CDK6: variants seen among roughly 807,000 people sequenced by gnomAD.
The protein encoded by CDK6 is cyclin dependent kinase 6.
A neutral mutation model predicts 37.1 loss-of-function variants in CDK6; 6 were observed. The observed-to-expected ratio is 0.16, with a 90% CI of 0.09 to 0.32. The LOEUF is 0.32. CDK6 is among the 10% of genes least tolerant of loss of function. CDK6 has a pLI of 1.00. For missense variants in CDK6, 224 were observed against 418.9 expected (o/e 0.53, Z 4.06); for synonymous variants, 160 against 161.3 (o/e 0.99, Z 0.06).
In CDK6 at chr7:92,699,633, CAATT is replaced by C. The variant is rs1314754139; in HGVS notation, c.537+25989_537+25992del. Among the ~76,000 whole-genome samples the C allele has an allele frequency of 7.2e-5, 11 of 152,318 alleles. No homozygotes were observed. The East Asian group carries it at 9.7e-4, about 13-fold the overall frequency. On this transcript the variant is annotated intron_variant, in intron 4 of 7. Transcript: ENST00000424848. ...TGAGACATTTACAATGTCACATCAA[CAATT>C]AATTCATTCATTCATACATATACAA...
Position 92,614,696 on chromosome 7 carries a change from T to TACAC in CDK6, c.*440_*443dup, listed in dbSNP as rs10552976. On this transcript the variant is annotated 3_prime_UTR_variant, in exon 8 of 8. Transcript: ENST00000424848. Reference sequence around the variant, plus strand: ...TTAAAAGATCACAGAATCTCTCACATACACACACACACACACACACACACA... The same window carrying TACAC: ...TTAAAAGATCACAGAATCTCTCACATACACACACACACACACACACACACACACA... 1,063 of 228,644 alleles carry TACAC rather than the reference T, an allele frequency of 4.6e-3. 1 individual carries two copies. The highest frequency in any genetic ancestry group is 7.1e-3 in the Non-Finnish European group (828 of 116,564). The allele number at this position is 228,644 out of a possible 1,614,324, so 14.2% of individuals were successfully genotyped here.
chr7:92,707,281 G>C (rs1185039130), intron 4 of CDK6, among the ~76,000 whole-genome samples: 2 of 152,078 alleles, frequency 1.3e-5, no homozygotes. Flanking sequence ...AGAAACCCAG[G>C]ATACAGAGAG....
chr7:92,702,550 T>C (rs530009002), intron 4 of CDK6, among the ~76,000 whole-genome samples: 1 of 152,280 alleles, frequency 6.6e-6, no homozygotes, highest in South Asian at 2.1e-4. Flanking sequence ...TATTTTCTTA[T>C]TATGAAAAAA....
At chr7:92,801,522 C>G (rs1800575268) in intron 2 of CDK6, among the ~76,000 whole-genome samples, 1 of 152,084 alleles carries the variant, frequency 6.6e-6, no homozygotes, top group Non-Finnish European at 1.5e-5. Context: ...GGTGTCCTGC[C>G]CAGGATCTCT....
intron 3 of CDK6, among the ~76,000 whole-genome samples, chr7:92,774,466 C>CCT (rs2115781933): frequency 6.6e-6 from 1 of 152,100 alleles, no homozygotes; most frequent in Non-Finnish European, 1.5e-5. Context: ...TTTTTTTCCA[C>CCT]TTAGTTCTAA....
At chr7:92,828,323 T>A (rs1324373893) in intron 2 of CDK6, among the ~76,000 whole-genome samples, 1 of 152,196 alleles carries the variant, frequency 6.6e-6, no homozygotes, top group Admixed American at 6.5e-5. Flanking sequence ...GTCACTTTTG[T>A]CTACATACAG....
At chr7:92,658,703 T>C (rs1796764018) in intron 5 of CDK6, among the ~76,000 whole-genome samples, 1 of 152,358 alleles carries the variant, frequency 6.6e-6, no homozygotes, top group South Asian at 2.1e-4. Context: ...TTTATACTTC[T>C]GTATTAACAT....
chr7:92,669,581 A>G (rs138064593), intron 5 of CDK6, among the ~76,000 whole-genome samples: 2 of 152,346 alleles, frequency 1.3e-5, no homozygotes, highest in African/African-American at 4.8e-5. Flanking sequence ...TCCTGCGATG[A>G]AGTAGAATGA....
At chr7:92,635,429 A>C (rs1796147764) in intron 5 of CDK6, among the ~76,000 whole-genome samples, 1 of 152,186 alleles carries the variant, frequency 6.6e-6, no homozygotes, top group South Asian at 2.1e-4. Flanking sequence ...CAGGCCACTT[A>C]ATCTCTGCTC....
intron 2 of CDK6, among the ~76,000 whole-genome samples, chr7:92,807,554 A>AAT (rs916266519): frequency 5.3e-5 from 8 of 151,628 alleles, no homozygotes; most frequent in Non-Finnish European, 1.0e-4. Context: ...GATATATATC[A>AAT]ATATATATAA....
intron 2 of CDK6, among the ~76,000 whole-genome samples, chr7:92,820,278 A>T (rs987354509): frequency 6.6e-6 from 1 of 152,132 alleles, no homozygotes; most frequent in African/African-American, 2.4e-5. Context: ...TTTTTACAAA[A>T]GAAGGACTCC....
At chr7:92,802,210 CTCCAT>C (rs1229491172) in intron 2 of CDK6, among the ~76,000 whole-genome samples, 1 of 152,020 alleles carries the variant, frequency 6.6e-6, no homozygotes, top group African/African-American at 2.4e-5. Context: ...ACCTCTGAGT[CTCCAT>C]TGTCCAACAT....
At chr7:92,794,703 A>G (rs913038080) in intron 2 of CDK6, among the ~76,000 whole-genome samples, 1 of 152,002 alleles carries the variant, frequency 6.6e-6, no homozygotes, top group African/African-American at 2.4e-5. Flanking sequence ...CTACCACAAC[A>G]TACCTGACTC....
intron 2 of CDK6, among the ~76,000 whole-genome samples, chr7:92,782,927 G>A (rs999282723): frequency 6.6e-6 from 1 of 152,202 alleles, no homozygotes. Flanking sequence ...CACAAAAGAA[G>A]TAGCAGTGTC....
intron 4 of CDK6, among the ~76,000 whole-genome samples, chr7:92,709,806 A>G (rs1798046176): frequency 6.6e-6 from 1 of 152,156 alleles, no homozygotes; most frequent in South Asian, 2.1e-4. Flanking sequence ...TTGCTGATAG[A>G]TGGCTCATAC....
chr7:92,612,852 G>A lies in CDK6; in HGVS notation c.*2288C>T, dbSNP rs934464729. 20 of 233,010 alleles carry A rather than the reference G, an allele frequency of 8.6e-5. No individual in the cohort carries two copies. The highest frequency in any genetic ancestry group is 1.3e-3 in the Middle Eastern group (1 of 780). 14.4% of individuals were successfully genotyped at this position (233,010 alleles called of 1,614,324 possible). A position where few individuals can be genotyped will look rare whatever the true frequency, so the allele number is the denominator to read the frequency against. On this transcript the variant is annotated 3_prime_UTR_variant, in exon 8 of 8. Coordinates refer to ENST00000424848, the MANE Select transcript of CDK6 (RefSeq NM_001145306.2). The stretch of plus-strand genomic sequence containing the variant: ...TCTAGCCATGAATACTAACCAAAAA[G>A]CTCAGATGAATCAGTGCAGTGAGTT...
At chr7:92,675,112 G>C (rs920980747) in intron 4 of CDK6, among the ~76,000 whole-genome samples, 1 of 152,178 alleles carries the variant, frequency 6.6e-6, no homozygotes, top group African/African-American at 2.4e-5. Context: ...GGGATTACAG[G>C]TGTGAGCCAC....
intron 3 of CDK6, among the ~76,000 whole-genome samples, chr7:92,740,546 T>C (rs1798896329): frequency 6.6e-6 from 1 of 152,132 alleles, no homozygotes; most frequent in Non-Finnish European, 1.5e-5. Flanking sequence ...CTCCTGATGC[T>C]AAGAAAGTAA....
Position 92,623,075 on chromosome 7 carries a change from C to A in CDK6, c.659G>T (p.Arg220Leu). ...TAGTTGATCAACATCTGAACTTCCA[C>A]GAAAAAGAGGCCTAAAAGAATAAAG... The part of the protein sequence containing the change: ...AEMFRRKPLF[R>L]GSSDVDQLGK... The change falls in exon 6 of 8, where the codon CGT becomes CTT. Residue 220 changes from arginine to leucine, a missense_variant. Arg to Leu is a moderately radical substitution (Grantham distance 102). Around this residue, in one of 5 missense-constraint regions of CDK6, gnomAD observed 90 missense variants for 136.2 expected, o/e 0.66. Transcript: ENST00000424848. The A allele has an allele frequency of 6.3e-7, 1 of 1,581,928 alleles. No homozygotes were observed. Among genetic ancestry groups the A allele is most frequent in the East Asian group, 2.3e-5 (1 of 44,378 alleles).
Sources: allele counts gnomAD v4.1 joint callset (sites outside exome capture counted in the v4.1 genomes callset), GRCh38; gene constraint gnomAD v4.1.1; regional missense constraint gnomAD v4.1.1; transcripts MANE v1.5; gene names NCBI Gene and HGNC (gene_info 2026-07-23, HGNC 2026-07-21).